The following RERG variants were observed in gnomAD, a reference collection of about 807,000 sequenced individuals.
RERG encodes the protein RAS like estrogen regulated growth inhibitor, also known as ras-related and estrogen-regulated growth inhibitor.
RERG carries 25 observed loss-of-function variants against 23.2 expected under a neutral mutation model. That is an observed-to-expected ratio of 1.08 (90% CI 0.79 to 1.50). The LOEUF is 1.50. Among genes scored for constraint, RERG ranks in the 40% most tolerant of loss-of-function variants. The pLI is 0.00. For missense variants in RERG, 253 were observed against 250.1 expected (o/e 1.01, Z -0.08); for synonymous variants, 81 against 89.1 (o/e 0.91, Z 0.51).
chr12:15,193,653 T>C (rs1865102928), intron 2 of RERG, among the ~76,000 whole-genome samples: 1 of 152,178 alleles, frequency 6.6e-6, no homozygotes. Context: ...TAGAAACTTT[T>C]ATGGGTCCAC....
At position 15,182,442 on chromosome 12, in the gene RERG, C is replaced by T. The variant is rs981001659; in HGVS notation, c.61+34987G>A. Among the ~76,000 whole-genome samples the T allele has an allele frequency of 2.6e-4, 39 of 152,116 alleles. 2 individuals carry two copies. The highest frequency in any genetic ancestry group is 2.4e-3 in the Admixed American group (36 of 15,274). Reference sequence around the variant, plus strand: ...CAAATACCTCCTCCCAAGTCTTAGCCATAATGGCACCAAGGGGCAACTGTT... The same window carrying T: ...CAAATACCTCCTCCCAAGTCTTAGCTATAATGGCACCAAGGGGCAACTGTT... On this transcript the variant is annotated intron_variant, in intron 2 of 4. Coordinates refer to ENST00000256953, the MANE Select transcript of RERG (RefSeq NM_032918.3).
intron 2 of RERG, among the ~76,000 whole-genome samples, chr12:15,188,664 C>A (rs1759250398): frequency 6.6e-6 from 1 of 152,174 alleles, no homozygotes; most frequent in South Asian, 2.1e-4. Context: ...AACAGGTGGA[C>A]ATGATGTGTG....
intron 2 of RERG, among the ~76,000 whole-genome samples, chr12:15,158,710 T>TAGATTCGG (rs1306617318): frequency 6.6e-6 from 1 of 152,136 alleles, no homozygotes; most frequent in Non-Finnish European, 1.5e-5. Flanking sequence ...TCCTCATAAT[T>TAGATTCGG]AGATTCGGAT....
intron 2 of RERG, among the ~76,000 whole-genome samples, chr12:15,155,989 G>C (rs1363520519): frequency 8.0e-6 from 1 of 124,924 alleles, no homozygotes; most frequent in East Asian, 2.2e-4. Context: ...AAAACTTAAA[G>C]TATAATAAAA....
chr12:15,214,017 TGTGTGTGTGTGTGTGTGTGTGCGC>T (rs1030571369), intron 2 of RERG, among the ~76,000 whole-genome samples: 28 of 132,830 alleles, frequency 2.1e-4, no homozygotes, highest in African/African-American at 7.0e-4. Flanking sequence ...TGTGTGTGTG[TGTGTGTGTGTGTGTGTGTGTGCGC>T]GTGTGTGGAG....
intron 2 of RERG, among the ~76,000 whole-genome samples, chr12:15,199,039 C>T (rs192168975): frequency 6.6e-6 from 1 of 152,242 alleles, no homozygotes; most frequent in African/African-American, 2.4e-5. Flanking sequence ...CATTATTCTG[C>T]CTATCACAGT....
intron 2 of RERG, among the ~76,000 whole-genome samples, chr12:15,200,588 C>G (rs191381246): frequency 2.6e-5 from 4 of 152,068 alleles, no homozygotes; most frequent in Admixed American, 2.0e-4. Flanking sequence ...TTTGAAGCTT[C>G]CTGGCATTTT....
chr12:15,169,919 A>AGTGTGTGT (rs1565527089), intron 2 of RERG, among the ~76,000 whole-genome samples: 11 of 105,984 alleles, frequency 1.0e-4, no homozygotes, highest in Non-Finnish European at 1.6e-4. Flanking sequence ...ATCTGCTAAA[A>AGTGTGTGT]ATGTGTGTGT....
At chr12:15,215,738 G>C (rs1002989756) in intron 2 of RERG, among the ~76,000 whole-genome samples, 1 of 152,114 alleles carries the variant, frequency 6.6e-6, no homozygotes, top group Non-Finnish European at 1.5e-5. Flanking sequence ...AAATGGTCAG[G>C]TGAGAATGAG....
At chr12:15,115,426 A>C (rs113151041) in intron 3 of RERG, among the ~76,000 whole-genome samples, 104 of 152,270 alleles carry the variant, frequency 6.8e-4, no homozygotes, top group African/African-American at 2.4e-3. Flanking sequence ...TTAGTTTCAA[A>C]CACATTAGAC....
At chr12:15,144,871 T>A (rs951369378) in intron 2 of RERG, among the ~76,000 whole-genome samples, 1 of 152,242 alleles carries the variant, frequency 6.6e-6, no homozygotes, top group Non-Finnish European at 1.5e-5. Context: ...CAAATATGGT[T>A]TACATGCACA....
At chr12:15,208,903 A>T (rs1865329916) in intron 2 of RERG, among the ~76,000 whole-genome samples, 1 of 152,072 alleles carries the variant, frequency 6.6e-6, no homozygotes. Context: ...TTATTGTCCT[A>T]AACCCTCCTC....
intron 2 of RERG, among the ~76,000 whole-genome samples, chr12:15,198,560 C>A (rs1865175992): frequency 6.6e-6 from 1 of 152,078 alleles, no homozygotes. Context: ...ATCTGGGAGC[C>A]ACATTCAATT....
rs1282176450 is a variant in RERG at position 15,218,713 on chromosome 12, G to GCTC, written c.-114-1111_-114-1110insGAG. 3.3e-5 allele frequency among the ~76,000 whole-genome samples: 5 copies of GCTC among 151,908 alleles called. No individual in the cohort carries two copies. The East Asian group carries it at 9.7e-4, about 29-fold the overall frequency. ...CACTCAGAACCGTTCAAGGATCCTA[G>GCTC]CATCTAGTAGGACCCTTTGCTCCAT... On this transcript the variant is annotated intron_variant, in intron 1 of 4. Transcript: ENST00000256953.
rs920440551 is a variant in RERG at position 15,161,041 on chromosome 12, A to G, written c.62-39922T>C. Among the ~76,000 whole-genome samples, 4 of 152,072 alleles carry G rather than the reference A, an allele frequency of 2.6e-5. No homozygotes were observed. In the East Asian group the frequency reaches 7.7e-4, roughly 29 times the overall value. The stretch of plus-strand genomic sequence containing the variant: ...TCACAGCTACCCGGGAGGTTGAGGC[A>G]TGAGAATTGCTTGAACCCAGGAGGC... On this transcript the variant is annotated intron_variant, in intron 2 of 4. Transcript: ENST00000256953.
At position 15,195,294 on chromosome 12, in the gene RERG, A is replaced by G. The variant is rs183426411; in HGVS notation, c.61+22135T>C. On this transcript the variant is annotated intron_variant, in intron 2 of 4. Coordinates refer to ENST00000256953, the MANE Select transcript of RERG (RefSeq NM_032918.3). ...GCTGTCACAAATGGAATGACATACA[A>G]ACCCTATAAGACCATCCTGCCTCCC... Among the ~76,000 whole-genome samples, 157 of 152,168 alleles carry G rather than the reference A, an allele frequency of 1.0e-3. 2 individuals carry two copies. The highest frequency in any genetic ancestry group is 6.6e-4 in the Non-Finnish European group (45 of 68,002).
chr12:15,179,333 AG>A (rs992570161), intron 2 of RERG, among the ~76,000 whole-genome samples: 4 of 152,206 alleles, frequency 2.6e-5, no homozygotes, highest in African/African-American at 7.2e-5. Flanking sequence ...GGATATCAAA[AG>A]CCAATGCAGT....
At chr12:15,115,190 G>A (rs902680202) in intron 3 of RERG, among the ~76,000 whole-genome samples, 3 of 151,956 alleles carry the variant, frequency 2.0e-5, no homozygotes, top group South Asian at 2.1e-4. Flanking sequence ...AATAGCTAGC[G>A]CATACTGCTT....
intron 4 of RERG, 31 bp from the exon 5 acceptor site, chr12:15,109,548 A>T (rs764431181): frequency 6.5e-7 from 1 of 1,531,734 alleles, no homozygotes; most frequent in South Asian, 1.3e-5. Flanking sequence ...CCGTCAAGAG[A>T]CCTGGAAATA....
Sources: allele counts gnomAD v4.1 joint callset (sites outside exome capture counted in the v4.1 genomes callset), GRCh38; gene constraint gnomAD v4.1.1; transcripts MANE v1.5; gene names NCBI Gene and HGNC (gene_info 2026-07-23, HGNC 2026-07-21).